Variants in FRMD3 observed in about 807,000 individuals in gnomAD.
FRMD3 encodes the protein FERM domain-containing protein 3.
A neutral mutation model predicts 70.2 loss-of-function variants in FRMD3; 33 were observed. The ratio of observed to expected loss-of-function variants is 0.47; its 90% CI spans 0.36 to 0.63. The LOEUF (loss-of-function observed/expected upper bound fraction) is 0.63, where lower values mean the gene tolerates loss of function less well. Ranked by LOEUF, FRMD3 falls within the 20% of genes least tolerant of loss-of-function variation. FRMD3 has a pLI of 0.00. For synonymous variants in FRMD3, 279 were observed against 255.9 expected (o/e 1.09, Z -0.86); for missense variants, 632 against 711.4 (o/e 0.89, Z 1.27).
At chr9:83,527,163 G>T (rs1761495459) in intron 1 of FRMD3, among the ~76,000 whole-genome samples, 1 of 152,146 alleles carries the variant, frequency 6.6e-6, no homozygotes, top group African/African-American at 2.4e-5. Context: ...GGAGTCCAGG[G>T]TACAGGAAAG....
intron 4 of FRMD3, among the ~76,000 whole-genome samples, chr9:83,344,057 G>A (rs899814148): frequency 6.6e-6 from 1 of 152,252 alleles, no homozygotes; most frequent in African/African-American, 2.4e-5. Flanking sequence ...TGGGAGGCAG[G>A]CAGCAGAGCA....
At chr9:83,409,433 T>C (rs1444236164) in intron 1 of FRMD3, among the ~76,000 whole-genome samples, 1 of 150,242 alleles carries the variant, frequency 6.7e-6, no homozygotes, top group Non-Finnish European at 1.5e-5. Flanking sequence ...CTGCCTTCCA[T>C]CAAAAACAAA....
At chr9:83,399,358 C>T (rs964042432) in intron 1 of FRMD3, among the ~76,000 whole-genome samples, 1 of 152,164 alleles carries the variant, frequency 6.6e-6, no homozygotes, top group Non-Finnish European at 1.5e-5. Flanking sequence ...GTATCTGTTC[C>T]TAGTCATTCG....
At chr9:83,296,942 C>T (rs1834693106) in intron 12 of FRMD3, among the ~76,000 whole-genome samples, 1 of 152,140 alleles carries the variant, frequency 6.6e-6, no homozygotes, top group African/African-American at 2.4e-5. Context: ...AGCATCACTC[C>T]AGGCTTCTTG....
chr9:83,416,276 A>C lies in FRMD3; in HGVS notation c.148-26568T>G, dbSNP rs1488772219. 3.3e-5 allele frequency among the ~76,000 whole-genome samples: 5 copies of C among 152,202 alleles called. No homozygotes were observed. The East Asian group carries it at 9.6e-4, about 29-fold the overall frequency. On this transcript the variant is annotated intron_variant, in intron 1 of 13. Coordinates refer to ENST00000304195, the MANE Select transcript of FRMD3 (RefSeq NM_174938.6). ...TTTCTTAAAAGGTTTTAAAAGTGTC[A>C]ATCAAGAAGCACACTTATGGATTCT...
At chr9:83,558,072 T>G in the FRMD3 span, among the ~76,000 whole-genome samples, 6 of 152,206 alleles carry the variant, frequency 3.9e-5, no homozygotes, top group Non-Finnish European at 5.9e-5. Context: ...GTATTGGCAT[T>G]CAAGGCAAGA....
chr9:83,248,281 TCTTTCC>T lies in FRMD3; in HGVS notation c.1425_1430del (p.Arg477_Glu478del). On this transcript the variant is annotated inframe_deletion, in exon 14 of 14. Coordinates refer to ENST00000304195, the MANE Select transcript of FRMD3 (RefSeq NM_174938.6). ...GATCCTCAAATGAATCTGTGTCTTC[TCTTTCC>T]AACTCAAGCCTAGAAGGACAGTCAA... 1 of 1,614,178 alleles carries T rather than the reference TCTTTCC, an allele frequency of 6.2e-7. No homozygotes were observed. Among genetic ancestry groups the T allele is most frequent in the South Asian group, 1.1e-5 (1 of 91,078 alleles).
At chr9:83,298,644 G>T in intron 12 of FRMD3, 104 bp downstream of exon 12, 1 of 846,742 alleles carries the variant, frequency 1.2e-6, no homozygotes, top group Non-Finnish European at 1.9e-6. Context: ...AAGTGAGAAT[G>T]TCCTTCTTTA....
intron 1 of FRMD3, among the ~76,000 whole-genome samples, chr9:83,477,221 G>T (rs1489533450): frequency 1.3e-5 from 2 of 152,186 alleles, no homozygotes; most frequent in African/African-American, 2.4e-5. Flanking sequence ...CACCGGCCCA[G>T]TGTAGGAACT....
chr9:83,490,360 C>A (rs1260273960), intron 1 of FRMD3, among the ~76,000 whole-genome samples: 1 of 152,060 alleles, frequency 6.6e-6, no homozygotes, highest in East Asian at 1.9e-4. Context: ...GCACTTTCAG[C>A]TCATTGAAAC....
the FRMD3 span, among the ~76,000 whole-genome samples, chr9:83,571,357 T>C: frequency 2.0e-5 from 3 of 152,182 alleles, no homozygotes; most frequent in Non-Finnish European, 2.9e-5. Flanking sequence ...TTAGCATCTT[T>C]TCTTTATAAA....
chr9:83,251,121 A>G (rs1049192259), intron 13 of FRMD3, among the ~76,000 whole-genome samples: 1 of 152,194 alleles, frequency 6.6e-6, no homozygotes, highest in African/African-American at 2.4e-5. Context: ...GCCAGCAACA[A>G]GTCAGTACAC....
At chr9:83,429,251 C>T (rs1826900946) in intron 1 of FRMD3, among the ~76,000 whole-genome samples, 2 of 152,154 alleles carry the variant, frequency 1.3e-5, no homozygotes, top group South Asian at 4.1e-4. Flanking sequence ...ACTGTGATGT[C>T]TCACCACTGC....
In FRMD3 at chr9:83,479,777, GGGAGGGAGGGAAGGAAGGAAGGAA is replaced by G. The variant is rs1412610874; in HGVS notation, c.147+58284_147+58307del. Among the ~76,000 whole-genome samples, 194 of 70,460 alleles carry G rather than the reference GGGAGGGAGGGAAGGAAGGAAGGAA, an allele frequency of 2.8e-3. 3 individuals carry two copies. Among genetic ancestry groups the G allele is most frequent in the African/African-American group, 8.9e-3 (134 of 15,112 alleles). 46.2% of individuals were successfully genotyped at this position (70,460 alleles called of 152,430 possible). ...GAAGAAGAAGGGAGGGAGGGAGGGA[GGGAGGGAGGGAAGGAAGGAAGGAA>G]GGAAGGAAGGAAGGAAGGAAGGAAG... On this transcript the variant is annotated intron_variant, in intron 1 of 13. Coordinates refer to ENST00000304195, the MANE Select transcript of FRMD3 (RefSeq NM_174938.6).
At chr9:83,584,409 T>G in the FRMD3 span, among the ~76,000 whole-genome samples, 129,533 of 152,010 alleles carry the variant, frequency 0.85, 55,649 homozygotes, top group East Asian at 1. Context: ...CCCTGTCTCA[T>G]TCAGGAGCAT....
intron 1 of FRMD3, among the ~76,000 whole-genome samples, chr9:83,431,182 G>C (rs1426698909): frequency 6.6e-6 from 1 of 152,192 alleles, no homozygotes; most frequent in Non-Finnish European, 1.5e-5. Flanking sequence ...GTGGATGTTT[G>C]AGAACATCAG....
At chr9:83,416,745 GTCTCTCTCTC>G (rs1184226415) in intron 1 of FRMD3, among the ~76,000 whole-genome samples, 190 of 102,284 alleles carry the variant, frequency 1.9e-3, no homozygotes, top group Admixed American at 0.013. Flanking sequence ...ATTTCTCTCT[GTCTCTCTCTC>G]TCTCTCTCTC....
chr9:83,311,783 G>A, intron 8 of FRMD3, 104 bp downstream of exon 8: 1 of 814,362 alleles, frequency 1.2e-6, no homozygotes, highest in Non-Finnish European at 2.1e-6. Context: ...GCAAGGAAAT[G>A]GATACCAGGC....
intron 10 of FRMD3, among the ~76,000 whole-genome samples, chr9:83,306,495 C>T (rs749203023): frequency 8.5e-5 from 13 of 152,160 alleles, no homozygotes; most frequent in Admixed American, 2.6e-4. Flanking sequence ...TGGTACCCTA[C>T]GGGAGCTTGG....
Sources: allele counts gnomAD v4.1 joint callset (sites outside exome capture counted in the v4.1 genomes callset), GRCh38; gene constraint gnomAD v4.1.1; transcripts MANE v1.5; gene names NCBI Gene and HGNC (gene_info 2026-07-23, HGNC 2026-07-21).